Variants in HMCN2 observed in about 807,000 individuals in gnomAD.
HMCN2 encodes hemicentin-2.
Under a neutral mutation model 377.5 loss-of-function variants are expected in HMCN2, and 325 were observed. That is an observed-to-expected ratio of 0.86 (90% CI 0.79 to 0.94). The LOEUF (loss-of-function observed/expected upper bound fraction) is 0.94. Ranked by LOEUF, HMCN2 falls within the 40% of genes least tolerant of loss-of-function variation. The pLI, the probability that HMCN2 is intolerant of heterozygous loss-of-function variation, is 0.00. For synonymous variants in HMCN2, 2,007 were observed against 2,046.8 expected (o/e 0.98, Z 0.53); for missense variants, 4,543 against 4,725.3 (o/e 0.96, Z 1.13).
Position 130,420,134 on chromosome 9 carries a change from G to A in HMCN2, c.13231+1093G>A, listed in dbSNP as rs182788656. Among the ~76,000 whole-genome samples, 456 of 139,608 alleles carry A rather than the reference G, an allele frequency of 3.3e-3. 1 individual carries two copies. Among genetic ancestry groups the A allele is most frequent in the Non-Finnish European group, 5.6e-3 (370 of 66,484 alleles). 91.6% of individuals were successfully genotyped at this position (139,608 alleles called of 152,430 possible). A position where few individuals can be genotyped will look rare whatever the true frequency, so the allele number is the denominator to read the frequency against. On this transcript the variant is annotated intron_variant, in intron 86 of 97. Coordinates refer to ENST00000683500, the MANE Select transcript of HMCN2 (RefSeq NM_001291815.2). ...TTGTTGCCCAGGCTGGAGTGCAGTGGTGCAATCTCGGTTCACTGCAAGCTC... is the reference window on the plus strand; with the variant it reads ...TTGTTGCCCAGGCTGGAGTGCAGTGATGCAATCTCGGTTCACTGCAAGCTC...
At position 130,374,678 on chromosome 9, in the gene HMCN2, C is replaced by T; in HGVS notation, c.7615C>T (p.Gln2539Ter). 1 of 985,812 alleles carries T rather than the reference C, an allele frequency of 1.0e-6. No homozygotes were observed. The highest frequency in any genetic ancestry group is 1.2e-6 in the Non-Finnish European group (1 of 829,952). 61.1% of individuals were successfully genotyped at this position (985,812 alleles called of 1,614,324 possible). ...NAVGEKTKHF[Q>*]LSVLLAPTIL... ...TGTTGGGGAGAAGACCAAACACTTC[C>T]AGCTCAGTGTCCTGTGTAAGTTTTG... is the stretch of plus-strand genomic sequence containing the variant. The change falls in exon 49 of 98, where the codon CAG (glutamine) becomes TAG (stop). Residue 2539 changes from glutamine to a stop codon, truncating the protein, a stop_gained. Coordinates refer to ENST00000683500, the MANE Select transcript of HMCN2 (RefSeq NM_001291815.2). LOFTEE classifies it high-confidence loss of function.
intron 43 of HMCN2, among the ~76,000 whole-genome samples, 166 bp downstream of exon 43, chr9:130,366,161 T>C (rs1840679373): frequency 6.6e-6 from 1 of 152,208 alleles, no homozygotes; most frequent in Admixed American, 6.5e-5. Context: ...CCCCAGCTCC[T>C]CTCTACTCAG....
chr9:130,348,603 G>A lies in HMCN2; in HGVS notation c.4083G>A (p.Gln1361=), dbSNP rs1839522218. 2.3e-6 allele frequency: 3 copies of A among 1,304,294 alleles called. No homozygotes were observed. The highest frequency in any genetic ancestry group is 3.0e-6 in the Non-Finnish European group (3 of 988,956). The allele number at this position is 1,304,294 out of a possible 1,614,324, so 80.8% of individuals were successfully genotyped here. ...RKANVSGMAG[Q]SLTLECDANG... ...CCAACGTGTCGGGTATGGCCGGGCA[G>A]TCCCTGACGCTGGAGTGTGACGCGA... Residue 1361 remains glutamine (Q), a synonymous_variant, in exon 27 of 98, where the codon CAG becomes CAA. Transcript: ENST00000683500.
Position 130,429,550 on chromosome 9 carries a change from C to T in HMCN2, c.14198-7C>T. ...TCCCCACCACCGACCATGCCCCTGC[C>T]TCCCAGATGTGGACGAATGCCTGGA... On this transcript the variant is annotated splice_region_variant and splice_polypyrimidine_tract_variant and intron_variant, in intron 93 of 97. Transcript: ENST00000683500. The T allele has an allele frequency of 6.5e-7, 1 of 1,550,368 alleles. No homozygotes were observed. The highest frequency in any genetic ancestry group is 8.7e-7 in the Non-Finnish European group (1 of 1,146,834).
At chr9:130,338,250 G>A (rs1301798190) in intron 23 of HMCN2, 4 of 152,652 alleles carry the variant, frequency 2.6e-5, no homozygotes, top group Admixed American at 6.5e-5. Context: ...CCCTTGAGGG[G>A]TCCTGGAGAC....
chr9:130,347,919 C>T lies in HMCN2; in HGVS notation c.4024+559C>T. 1 of 834,290 alleles carries T rather than the reference C, an allele frequency of 1.2e-6. No individual in the cohort carries two copies. 51.7% of individuals were successfully genotyped at this position (834,290 alleles called of 1,614,324 possible). A position where few individuals can be genotyped will look rare whatever the true frequency, so the allele number is the denominator to read the frequency against. On this transcript the variant is annotated intron_variant, in intron 26 of 97. Coordinates refer to ENST00000683500, the MANE Select transcript of HMCN2 (RefSeq NM_001291815.2). The surrounding 1 kb of genome is among the most constrained non-coding windows in gnomAD (Gnocchi z 5.1). ...CAGTGCAGAGCCCCAGAGCCCACCT[C>T]CGGGTTAAAACTGTTACCCCTGGTC...
chr9:130,357,385 G>A (rs1840097453), intron 34 of HMCN2, among the ~76,000 whole-genome samples: 2 of 151,142 alleles, frequency 1.3e-5, no homozygotes, highest in Admixed American at 6.6e-5. Context: ...TGGATGGATG[G>A]GTGGATGGAT....
At position 130,383,445 on chromosome 9, in the gene HMCN2, G is replaced by C. The variant is rs570718827; in HGVS notation, c.8734-59G>C. ...AGGGATTCCTCGCAGTCATTCCTGG[G>C]GGTGGTGGTGTCCAAGGGGTCTCAG... On this transcript the variant is annotated intron_variant, in intron 56 of 97. Transcript: ENST00000683500. 1.3e-3 allele frequency: 978 copies of C among 772,026 alleles called. 1 individual carries two copies. Among genetic ancestry groups the C allele is most frequent in the African/African-American group, 1.4e-3 (72 of 53,058 alleles). The allele number at this position is 772,026 out of a possible 1,614,324, so 47.8% of individuals were successfully genotyped here.
chr9:130,298,777 G>T (rs1379561562), intron 7 of HMCN2, among the ~76,000 whole-genome samples: 1 of 152,152 alleles, frequency 6.6e-6, no homozygotes, highest in Non-Finnish European at 1.5e-5. Context: ...AGTCAGAGGG[G>T]ATGCAGCCAT....
At chr9:130,373,268 T>A (rs1388241043) in intron 48 of HMCN2, 144 bp downstream of exon 48, 1 of 155,580 alleles carries the variant, frequency 6.4e-6, no homozygotes, top group Non-Finnish European at 1.4e-5. Flanking sequence ...CGGCACCAGG[T>A]CCCAGCTCAT....
At chr9:130,358,012 G>A in intron 35 of HMCN2, 24 bp downstream of exon 35, 1 of 1,295,040 alleles carries the variant, frequency 7.7e-7, no homozygotes, top group Non-Finnish European at 1.0e-6. Flanking sequence ...CCCCAGGGCT[G>A]GCAAGCCAGC....
At chr9:130,290,983 A>G (rs1835724545) in intron 4 of HMCN2, among the ~76,000 whole-genome samples, 1 of 152,218 alleles carries the variant, frequency 6.6e-6, no homozygotes, top group Non-Finnish European at 1.5e-5. Flanking sequence ...TAGAGCAAGA[A>G]TGACCAATAA....
Position 130,430,508 on chromosome 9 carries a change from G to A in HMCN2, c.14551G>A (p.Ala4851Thr), listed in dbSNP as rs559374161. Residue 4851 changes from alanine (A) to threonine (T), a missense_variant, in exon 95 of 98, where the codon GCC (alanine) becomes ACC (threonine). This residue lies in a region of HMCN2 where 1,155 missense variants were observed against 1,157.7 expected (regional missense o/e 1.00). Coordinates refer to ENST00000683500, the MANE Select transcript of HMCN2 (RefSeq NM_001291815.2). ...WASIPGTSYH[A>T]WVSLRPGPMA... ...CTCGATCCCCGGTACCTCCTACCACGCCTGGGTCTCTCTCCGTCCGGGTCC... is the reference window on the plus strand; with the variant it reads ...CTCGATCCCCGGTACCTCCTACCACACCTGGGTCTCTCTCCGTCCGGGTCC... The A allele has an allele frequency of 6.3e-4, 982 of 1,550,426 alleles. 2 individuals are homozygous for A. The highest frequency in any genetic ancestry group is 7.9e-4 in the Non-Finnish European group (906 of 1,146,962).
chr9:130,284,549 G>A (rs1410589935), intron 1 of HMCN2, 54 bp from the exon 2 acceptor site: 9 of 470,416 alleles, frequency 1.9e-5, no homozygotes, highest in African/African-American at 1.0e-4. Flanking sequence ...AGCCCACCGG[G>A]CTGTGTGTCT....
chr9:130,391,647 A>G lies in HMCN2; in HGVS notation c.9952+73A>G, dbSNP rs373138624. ...GGGAGATAAGGCGACATGTGAGCAAAGCCCACACTGTGTCCTGGGCCACGG... is the reference window on the plus strand; with the variant it reads ...GGGAGATAAGGCGACATGTGAGCAAGGCCCACACTGTGTCCTGGGCCACGG... On this transcript the variant is annotated intron_variant, in intron 65 of 97. Transcript: ENST00000683500. The G allele has an allele frequency of 3.4e-4, 339 of 982,634 alleles. 3 individuals are homozygous for G. The East Asian group carries it at 0.026, about 77-fold the overall frequency. 60.9% of individuals were successfully genotyped at this position (982,634 alleles called of 1,614,324 possible). A position where few individuals can be genotyped will look rare whatever the true frequency, so the allele number is the denominator to read the frequency against.
chr9:130,352,842 C>T, intron 30 of HMCN2, 85 bp from the exon 31 acceptor site: 2 of 1,126,342 alleles, frequency 1.8e-6, no homozygotes, highest in South Asian at 1.6e-5. Context: ...GTCTTGTGGC[C>T]CAAAGGCATG....
chr9:130,277,730 CCATCATCATCACCACCACCACCAT>C (rs1834777519), intron 1 of HMCN2, among the ~76,000 whole-genome samples: 14 of 142,002 alleles, frequency 9.9e-5, no homozygotes, highest in Non-Finnish European at 1.6e-4. Flanking sequence ...ACCACCACCA[CCATCATCATCACCACCACCACCAT>C]CATCATCATC....
chr9:130,394,061 A>G lies in HMCN2; in HGVS notation c.10501+53A>G, dbSNP rs1434388675. 8.4e-7 allele frequency: 1 copy of G among 1,187,822 alleles called. No individual in the cohort carries two copies. Among genetic ancestry groups the G allele is most frequent in the Non-Finnish European group, 1.1e-6 (1 of 941,558 alleles). 73.6% of individuals were successfully genotyped at this position (1,187,822 alleles called of 1,614,324 possible). A position where few individuals can be genotyped will look rare whatever the true frequency, so the allele number is the denominator to read the frequency against. ...CTCTGGGCTCGGGGGAGAGGGTGGG[A>G]CTCTAGGGGCAATGGGAAGGACAGT... On this transcript the variant is annotated intron_variant, in intron 68 of 97. Transcript: ENST00000683500. This position sits in a 1 kb window ranked among gnomAD's most constrained non-coding sequence, Gnocchi z 5.1.
intron 1 of HMCN2, among the ~76,000 whole-genome samples, chr9:130,282,536 G>T (rs1835176784): frequency 6.6e-6 from 1 of 152,180 alleles, no homozygotes; most frequent in African/African-American, 2.4e-5. Flanking sequence ...ACGTGGTGGG[G>T]ATGGCCAGGG....
Sources: gnomAD v4.1 joint callset for allele counts (sites outside exome capture counted in the v4.1 genomes callset) on GRCh38, gnomAD v4.1.1 for gene constraint, gnomAD v4.1.1 regional missense constraint, Gnocchi (gnomAD v3.1) non-coding constraint, MANE v1.5 for transcripts, NCBI Gene and HGNC (gene_info 2026-07-23, HGNC 2026-07-21) for gene names.